The following NUP98 variants were observed in gnomAD, a reference collection of about 807,000 sequenced individuals.
NUP98 encodes the protein nuclear pore complex protein Nup98-Nup96.
Under a neutral mutation model 191.9 loss-of-function variants are expected in NUP98, and 26 were observed. The ratio of observed to expected loss-of-function variants is 0.14; its 90% confidence interval spans 0.10 to 0.19. The LOEUF is 0.19. Among genes scored for constraint, NUP98 ranks in the 10% least tolerant of loss-of-function variants. The pLI, the probability that NUP98 is intolerant of heterozygous loss-of-function variation, is 1.00. For synonymous variants in NUP98, 808 were observed against 778.4 expected (o/e 1.04, Z -0.63); for missense variants, 1,941 against 2,178.8 (o/e 0.89, Z 2.17).
chr11:3,755,242 G>A (rs1312385576), intron 10 of NUP98, among the ~76,000 whole-genome samples: 1 of 151,266 alleles, frequency 6.6e-6, no homozygotes, highest in Non-Finnish European at 1.5e-5. Flanking sequence ...GATCACTTGA[G>A]GAAAGGAGTT....
chr11:3,770,806 A>G (rs1284462965), intron 7 of NUP98, among the ~76,000 whole-genome samples: 2 of 152,202 alleles, frequency 1.3e-5, no homozygotes, highest in Admixed American at 1.3e-4. Context: ...AAACCAATGC[A>G]TCGGCAAATT....
chr11:3,754,921 G>A (rs1321141054), intron 10 of NUP98, among the ~76,000 whole-genome samples: 3 of 111,924 alleles, frequency 2.7e-5, no homozygotes, highest in Non-Finnish European at 5.0e-5. Context: ...CAGCCTAGAC[G>A]ACATAGCGAG....
intron 4 of NUP98, among the ~76,000 whole-genome samples, chr11:3,777,441 T>C (rs2133929037): frequency 6.6e-6 from 1 of 151,790 alleles, no homozygotes. Context: ...GCCAATATGG[T>C]GAAACCCCAT....
chr11:3,730,699 T>C (rs1433907082), intron 14 of NUP98, among the ~76,000 whole-genome samples: 1 of 152,034 alleles, frequency 6.6e-6, no homozygotes, highest in East Asian at 1.9e-4. Context: ...AAGTTGTGTG[T>C]AATGTTTTTA....
rs2078854789 is a variant in NUP98, at chr11:3,706,227, G to A, written c.2925+218C>T. On this transcript the variant is annotated intron_variant, in intron 21 of 32. Transcript: ENST00000324932. ...AACTAGGACTCTGGATTCTAATGCA[G>A]TTAAAACCAGAAACCCTATCTACTA... Among the ~76,000 whole-genome samples the A allele has an allele frequency of 1.3e-5, 2 of 152,106 alleles. 1 individual carries two copies. The highest frequency in any genetic ancestry group is 4.1e-4 in the South Asian group (2 of 4,834).
chr11:3,719,076 T>C (rs533614143), intron 18 of NUP98, among the ~76,000 whole-genome samples: 12 of 151,510 alleles, frequency 7.9e-5, no homozygotes, highest in Non-Finnish European at 1.6e-4. Context: ...ACTGACATCA[T>C]TCCACTGCGC....
chr11:3,681,502 C>T (rs1244879042), intron 30 of NUP98, among the ~76,000 whole-genome samples: 1 of 152,142 alleles, frequency 6.6e-6, no homozygotes, highest in East Asian at 1.9e-4. Context: ...CCATGGGTTG[C>T]AGAGTAGATG....
intron 1 of NUP98, among the ~76,000 whole-genome samples, chr11:3,783,530 C>T: frequency 6.6e-6 from 1 of 152,186 alleles, no homozygotes; most frequent in East Asian, 1.9e-4. Context: ...GAAACCCTGT[C>T]TCTACTAAAA....
intron 10 of NUP98, among the ~76,000 whole-genome samples, chr11:3,753,755 CAAAAAAAAAAAAAAAAAAAAAAAA>C (rs58867754): frequency 3.9e-4 from 4 of 10,174 alleles, no homozygotes; most frequent in East Asian, 8.8e-3. Context: ...TATAAAAATA[CAAAAAAAAAAAAAAAAAAAAAAAA>C]AAAAAAAAAA....
intron 31 of NUP98, among the ~76,000 whole-genome samples, chr11:3,676,867 T>C (rs1027813312): frequency 2.0e-5 from 3 of 152,182 alleles, no homozygotes; most frequent in South Asian, 2.1e-4. Context: ...TCCCGAACTA[T>C]ACAGCAAGCT....
intron 20 of NUP98, 127 bp downstream of exon 20, chr11:3,712,437 G>GT: frequency 6.7e-7 from 1 of 1,483,290 alleles, no homozygotes; most frequent in Non-Finnish European, 8.9e-7. Flanking sequence ...TTGTTTCAAC[G>GT]TGATTGCCAA....
intron 10 of NUP98, chr11:3,760,222 A>T (rs1394533733): frequency 2.8e-6 from 1 of 360,548 alleles, no homozygotes; most frequent in Non-Finnish European, 5.0e-6. Flanking sequence ...ACCTGGCCTC[A>T]TACAATGTGT....
intron 1 of NUP98, among the ~76,000 whole-genome samples, chr11:3,787,426 T>C (rs1356299177): frequency 6.6e-6 from 1 of 151,648 alleles, no homozygotes; most frequent in African/African-American, 2.4e-5. Flanking sequence ...CTAATAAAAA[T>C]ACAAACATTA....
chr11:3,775,395 G>A (rs902488391), intron 5 of NUP98, among the ~76,000 whole-genome samples: 1 of 152,032 alleles, frequency 6.6e-6, no homozygotes, highest in Non-Finnish European at 1.5e-5. Context: ...AATTAGCTGG[G>A]TATGGTGGTG....
intron 6 of NUP98, 96 bp downstream of exon 6, chr11:3,773,536 C>G (rs185392244): frequency 9.0e-6 from 6 of 664,464 alleles, no homozygotes; most frequent in Non-Finnish European, 1.5e-5. Context: ...CCAAACTGAA[C>G]CACTCTATCC....
At position 3,700,688 on chromosome 11, in the gene NUP98, G is replaced by C. The variant is rs1168842920; in HGVS notation, c.3664C>G (p.Pro1222Ala). Reference sequence around the variant, plus strand: ...TGAATGACAGCAACTCCCAGATTGGGGACAATGAGAGGACACAGTTCATCC... The same window carrying C: ...TGAATGACAGCAACTCCCAGATTGGCGACAATGAGAGGACACAGTTCATCC... ...HVDELCPLIVPNLGVAVIHDY... is the reference protein window; with the variant it reads ...HVDELCPLIVANLGVAVIHDY... Residue 1222 changes from proline to alanine, a missense_variant, in exon 24 of 33, where the codon CCC becomes GCC. Coordinates refer to ENST00000324932, the MANE Select transcript of NUP98 (RefSeq NM_016320.5). 2 of 1,613,998 alleles carry C rather than the reference G, an allele frequency of 1.2e-6. No homozygotes were observed. Among genetic ancestry groups the C allele is most frequent in the South Asian group, 1.1e-5 (1 of 91,076 alleles).
In NUP98 at chr11:3,772,670, C is replaced by G. The variant is rs151109554; in HGVS notation, c.604-742G>C. On this transcript the variant is annotated intron_variant, in intron 6 of 32. Transcript: ENST00000324932. ...TCTCTACTAAAAATACAAAAATTAG[C>G]TGGGCATAGTGGCGTGCAGCTGCAA... is the stretch of plus-strand genomic sequence containing the variant. Among the ~76,000 whole-genome samples the G allele has an allele frequency of 8.2e-3, 1,241 of 152,216 alleles. 13 individuals carry two copies. Among genetic ancestry groups the G allele is most frequent in the Non-Finnish European group, 0.011 (752 of 68,016 alleles).
At chr11:3,780,994 T>C (rs1262975862) in intron 2 of NUP98, among the ~76,000 whole-genome samples, 2 of 151,824 alleles carry the variant, frequency 1.3e-5, no homozygotes, top group Non-Finnish European at 2.9e-5. Flanking sequence ...GCAGGAGAAC[T>C]GCTTGAACCC....
At chr11:3,726,463 G>C (rs1242860370) in intron 14 of NUP98, among the ~76,000 whole-genome samples, 1 of 148,382 alleles carries the variant, frequency 6.7e-6, no homozygotes, top group African/African-American at 2.5e-5. Context: ...AAAAAGAGAA[G>C]GCACAATAAA....
Sources: allele counts gnomAD v4.1 joint callset (sites outside exome capture counted in the v4.1 genomes callset), GRCh38; gene constraint gnomAD v4.1.1; transcripts MANE v1.5; gene names NCBI Gene and HGNC (gene_info 2026-07-23, HGNC 2026-07-21).